RIMS1: variants seen among roughly 807,000 people sequenced by gnomAD.
RIMS1 encodes regulating synaptic membrane exocytosis protein 1.
RIMS1 carries 83 observed loss-of-function variants against 214.1 expected under a neutral mutation model. That is an observed-to-expected ratio of 0.39 (90% CI 0.32 to 0.47). The LOEUF (loss-of-function observed/expected upper bound fraction) is 0.47. RIMS1 is among the 20% of genes least tolerant of loss of function. The probability of loss-of-function intolerance (pLI) is 0.99; values close to 1 mark genes in which losing one functional copy is unlikely to be tolerated. For missense variants in RIMS1, 2,050 were observed against 2,161.8 expected (o/e 0.95, Z 1.03); for synonymous variants, 793 against 786.8 (o/e 1.01, Z -0.13).
intron 29 of RIMS1, among the ~76,000 whole-genome samples, chr6:72,382,805 A>G (rs2098514723): frequency 6.6e-6 from 1 of 152,060 alleles, no homozygotes; most frequent in Non-Finnish European, 1.5e-5. Flanking sequence ...ACAACTATAC[A>G]ATTCCCTTCC....
At chr6:72,111,679 G>C (rs2036116641) in intron 4 of RIMS1, among the ~76,000 whole-genome samples, 1 of 152,076 alleles carries the variant, frequency 6.6e-6, no homozygotes, top group African/African-American at 2.4e-5. Context: ...AGTCCCATCT[G>C]TCCATTTCTT....
At chr6:72,052,024 G>A (rs530702824) in intron 2 of RIMS1, among the ~76,000 whole-genome samples, 15 of 152,254 alleles carry the variant, frequency 9.9e-5, no homozygotes, top group African/African-American at 2.6e-4. Flanking sequence ...TATGCTTTGC[G>A]AAAATTTCAC....
chr6:72,326,323 C>T lies in RIMS1; in HGVS notation c.4131-7277C>T, dbSNP rs2096463186. Among the ~76,000 whole-genome samples, 3 of 151,614 alleles carry T rather than the reference C, an allele frequency of 2.0e-5. No individual in the cohort carries two copies. The Admixed American group carries it at 2.0e-4, about 10-fold the overall frequency. On this transcript the variant is annotated intron_variant, in intron 28 of 33. Coordinates refer to ENST00000521978, the MANE Select transcript of RIMS1 (RefSeq NM_014989.7). Reference sequence around the variant, plus strand: ...GTGTTTTAGGACTTCTGTTTTTTATCCTCTTCCAAAACGTTGTGTCAGCCT... The same window carrying T: ...GTGTTTTAGGACTTCTGTTTTTTATTCTCTTCCAAAACGTTGTGTCAGCCT...
chr6:72,163,790 C>T (rs564421909), intron 4 of RIMS1, among the ~76,000 whole-genome samples: 1 of 21,370 alleles, frequency 4.7e-5, no homozygotes, highest in East Asian at 1.7e-3. Flanking sequence ...TCAATCTGCC[C>T]CTACTGGCTG....
intron 4 of RIMS1, among the ~76,000 whole-genome samples, chr6:72,102,288 CTTGT>C (rs547456759): frequency 1.4e-3 from 207 of 151,958 alleles, no homozygotes; most frequent in African/African-American, 4.7e-3. Flanking sequence ...TGCTACGTTT[CTTGT>C]TTATCTGTAT....
intron 2 of RIMS1, among the ~76,000 whole-genome samples, chr6:72,089,518 G>A (rs1835598028): frequency 6.6e-6 from 1 of 151,986 alleles, no homozygotes; most frequent in South Asian, 2.1e-4. Flanking sequence ...CATGATCATG[G>A]CTCACTGTAG....
intron 4 of RIMS1, among the ~76,000 whole-genome samples, chr6:72,136,475 A>G (rs1050546225): frequency 2.0e-5 from 3 of 152,166 alleles, no homozygotes; most frequent in Admixed American, 6.5e-5. Flanking sequence ...ATTTATCTTT[A>G]ACAAAATGTT....
At chr6:71,979,312 G>A (rs1342965545) in intron 2 of RIMS1, among the ~76,000 whole-genome samples, 1 of 151,908 alleles carries the variant, frequency 6.6e-6, no homozygotes, top group Non-Finnish European at 1.5e-5. Flanking sequence ...CACATGATGT[G>A]GCAACAGCTG....
At chr6:72,252,920 C>A in intron 16 of RIMS1, 88 bp downstream of exon 16, 1 of 907,456 alleles carries the variant, frequency 1.1e-6, no homozygotes, top group Non-Finnish European at 1.8e-6. Flanking sequence ...GGATACTAAA[C>A]TGAAGATTTA....
intron 4 of RIMS1, among the ~76,000 whole-genome samples, chr6:72,109,651 T>C (rs2035601842): frequency 6.6e-6 from 1 of 152,186 alleles, no homozygotes; most frequent in South Asian, 2.1e-4. Flanking sequence ...TTTTGTAGGT[T>C]GCCTGTTCAC....
chr6:72,254,852 C>T (rs2075108245), intron 16 of RIMS1, among the ~76,000 whole-genome samples: 1 of 152,060 alleles, frequency 6.6e-6, no homozygotes, highest in Non-Finnish European at 1.5e-5. Context: ...TACCATGTCC[C>T]TCAAAGTGTT....
At chr6:72,160,726 A>T (rs1268942053) in intron 4 of RIMS1, among the ~76,000 whole-genome samples, 1 of 140,978 alleles carries the variant, frequency 7.1e-6, no homozygotes, top group Non-Finnish European at 1.6e-5. Flanking sequence ...CATCCCAAGG[A>T]TGAAGCCCAC....
In RIMS1 at chr6:72,333,666, C is replaced by T. The variant is rs201885523; in HGVS notation, c.4197C>T (p.Thr1399=). The change falls in exon 29 of 34, where the codon ACC becomes ACT. Residue 1399 remains threonine (T), a synonymous_variant. Transcript: ENST00000521978. The part of the protein sequence containing the change: ...GTSGRSIMKS[T]SVSGEMYTLE... The stretch of plus-strand genomic sequence containing the variant: ...CAGGAAGATCCATCATGAAGAGCAC[C>T]AGTGTCAGTGGAGAGATGTACACAC... The T allele has an allele frequency of 3.0e-4, 475 of 1,597,134 alleles. 2 individuals are homozygous for T. The highest frequency in any genetic ancestry group is 5.0e-4 in the Middle Eastern group (3 of 6,042).
At chr6:72,280,422 T>A (rs576443797) in intron 23 of RIMS1, among the ~76,000 whole-genome samples, 2 of 152,178 alleles carry the variant, frequency 1.3e-5, no homozygotes, top group African/African-American at 4.8e-5. Context: ...ATGGCTGTGT[T>A]AAAATATACA....
At chr6:72,095,511 G>T (rs2031268411) in intron 2 of RIMS1, among the ~76,000 whole-genome samples, 1 of 152,132 alleles carries the variant, frequency 6.6e-6, no homozygotes, top group African/African-American at 2.4e-5. Flanking sequence ...CCTTTAAATT[G>T]GGAAATATTT....
chr6:72,179,617 T>C lies in RIMS1; in HGVS notation c.514T>C (p.Leu172=). 23 of 1,613,996 alleles carry C rather than the reference T, an allele frequency of 1.4e-5. No individual in the cohort carries two copies. Among genetic ancestry groups the C allele is most frequent in the Non-Finnish European group, 1.9e-5 (23 of 1,179,870 alleles). The change falls in exon 5 of 34, where the codon TTA becomes CTA. Residue 172 remains leucine, a synonymous_variant. Transcript: ENST00000521978. The part of the protein sequence containing the change: ...CNLCRKQQEI[L]TKSGAWFFGS... ...TTTATGTCGAAAGCAACAAGAAATC[T>C]TAACCAAATCTGGGGCATGGTTCTT...
intron 2 of RIMS1, among the ~76,000 whole-genome samples, chr6:71,990,442 T>C (rs548345194): frequency 6.6e-6 from 1 of 152,192 alleles, no homozygotes; most frequent in Non-Finnish European, 1.5e-5. Context: ...GAATTAAAGA[T>C]AATTAAATAA....
In RIMS1 at chr6:72,242,305, A is replaced by G. The variant is rs774556384; in HGVS notation, c.1958-9A>G. The G allele has an allele frequency of 1.3e-6, 2 of 1,540,194 alleles. No homozygotes were observed. Among genetic ancestry groups the G allele is most frequent in the South Asian group, 2.4e-5 (2 of 81,814 alleles). ...AAGGTAAAAAAATACCCTTTTTTTT[A>G]AATTCAAGGGGATGAAGTTCTAGAA... On this transcript the variant is annotated splice_polypyrimidine_tract_variant and intron_variant, in intron 9 of 33. Coordinates refer to ENST00000521978, the MANE Select transcript of RIMS1 (RefSeq NM_014989.7).
At chr6:72,336,039 G>C (rs1223875294) in intron 29 of RIMS1, among the ~76,000 whole-genome samples, 1 of 151,722 alleles carries the variant, frequency 6.6e-6, no homozygotes, top group Non-Finnish European at 1.5e-5. Context: ...TGGTGGAGAA[G>C]GTTTTGACCA....
Sources: allele counts gnomAD v4.1 joint callset (sites outside exome capture counted in the v4.1 genomes callset), GRCh38; gene constraint gnomAD v4.1.1; transcripts MANE v1.5; gene names NCBI Gene and HGNC (gene_info 2026-07-23, HGNC 2026-07-21).